Variants in IPO11 observed in about 807,000 individuals in gnomAD.
The protein encoded by IPO11 is importin 11.
A neutral mutation model predicts 143.2 loss-of-function variants in IPO11; 66 were observed. That is an observed-to-expected ratio of 0.46 (90% CI 0.38 to 0.57). The LOEUF is 0.57. IPO11 is among the 20% of genes least tolerant of loss of function. The probability of loss-of-function intolerance (pLI) is 0.00; values close to 1 mark genes in which losing one functional copy is unlikely to be tolerated. For synonymous variants in IPO11, 385 were observed against 377.8 expected, an observed-to-expected ratio of 1.02 and a Z score of -0.22; for missense variants, 1,026 against 1,141.0, an observed-to-expected ratio of 0.90 and a Z score of 1.45.
At chr5:62,484,572 G>A (rs998857631) in intron 11 of IPO11, among the ~76,000 whole-genome samples, 4 of 144,696 alleles carry the variant, frequency 2.8e-5, no homozygotes, top group African/African-American at 5.1e-5. Context: ...TTTTTGGACA[G>A]GACATCTTTA....
In IPO11 at chr5:62,512,456, C is replaced by T. The variant is rs765237281; in HGVS notation, c.1783-2932C>T. The T allele has an allele frequency of 4.0e-5, 50 of 1,259,208 alleles. No individual in the cohort carries two copies. The East Asian group carries it at 7.2e-4, about 18-fold the overall frequency. 78.0% of individuals were successfully genotyped at this position (1,259,208 alleles called of 1,614,324 possible). On this transcript the variant is annotated intron_variant, in intron 19 of 29. Coordinates refer to ENST00000325324, the MANE Select transcript of IPO11 (RefSeq NM_016338.5). Reference sequence around the variant, plus strand: ...CAAACTCCTCGTCATCGTATTTGTCCGAATAGTAAATTTGTTTGTGCGACA... The same window carrying T: ...CAAACTCCTCGTCATCGTATTTGTCTGAATAGTAAATTTGTTTGTGCGACA...
At chr5:62,446,960 C>CT (rs1744739275) in intron 3 of IPO11, among the ~76,000 whole-genome samples, 1 of 149,052 alleles carries the variant, frequency 6.7e-6, no homozygotes, top group East Asian at 1.9e-4. Flanking sequence ...GAGCGAGACT[C>CT]TGACTGCAAA....
At chr5:62,555,479 ATTAT>A (rs138722983) in intron 26 of IPO11, among the ~76,000 whole-genome samples, 57,038 of 136,922 alleles carry the variant, frequency 0.42, 12,115 homozygotes, top group South Asian at 0.49. Flanking sequence ...CACCTGGCTA[ATTAT>A]TTATTTATTT....
chr5:62,529,675 G>A (rs997194629), intron 21 of IPO11, among the ~76,000 whole-genome samples: 5 of 152,148 alleles, frequency 3.3e-5, no homozygotes, highest in South Asian at 4.1e-4. Flanking sequence ...ACCCGTGTTG[G>A]GGGCCAGGGG....
chr5:62,514,488 AG>A (rs1453605808), intron 19 of IPO11, among the ~76,000 whole-genome samples: 1 of 151,662 alleles, frequency 6.6e-6, no homozygotes, highest in Non-Finnish European at 1.5e-5. Flanking sequence ...GGCACTTGGC[AG>A]GCTGAGGCAG....
At chr5:62,438,055 A>C (rs1422508176) in intron 2 of IPO11, among the ~76,000 whole-genome samples, 2 of 152,332 alleles carry the variant, frequency 1.3e-5, no homozygotes, top group East Asian at 3.9e-4. Context: ...AACTCTGATT[A>C]GTGTTTGAGG....
intron 26 of IPO11, among the ~76,000 whole-genome samples, chr5:62,553,821 C>T (rs563365685): frequency 5.4e-4 from 82 of 152,062 alleles, no homozygotes; most frequent in African/African-American, 1.8e-3. Context: ...GGCACGATCT[C>T]GGCTTACTGC....
chr5:62,591,507 T>C (rs1745008978), intron 27 of IPO11, 70 bp from the exon 28 acceptor site: 2 of 859,116 alleles, frequency 2.3e-6, no homozygotes, highest in Non-Finnish European at 3.6e-6. Context: ...AGAAGATGTT[T>C]AGGAAAAAAA....
Position 62,444,601 on chromosome 5 carries a change from C to G in IPO11, c.239+1518C>G, listed in dbSNP as rs183370399. Among the ~76,000 whole-genome samples the G allele has an allele frequency of 3.8e-4, 58 of 151,970 alleles. 1 individual carries two copies. The highest frequency in any genetic ancestry group is 1.4e-3 in the African/African-American group (56 of 41,476). On this transcript the variant is annotated intron_variant, in intron 3 of 29. Coordinates refer to ENST00000325324, the MANE Select transcript of IPO11 (RefSeq NM_016338.5). Reference sequence around the variant, plus strand: ...ATTATAAATGCTTGTCTTGGCTGGGCACGGTGGCTCACACCTGTAATCCCA... The same window carrying G: ...ATTATAAATGCTTGTCTTGGCTGGGGACGGTGGCTCACACCTGTAATCCCA...
intron 29 of IPO11, among the ~76,000 whole-genome samples, chr5:62,620,347 ATC>A (rs1561390845): frequency 6.6e-6 from 1 of 152,016 alleles, no homozygotes; most frequent in African/African-American, 2.4e-5. Context: ...GTGAAACCCC[ATC>A]TCTCCTAAAA....
chr5:62,488,926 G>T (rs966208598), intron 13 of IPO11, among the ~76,000 whole-genome samples: 4 of 152,130 alleles, frequency 2.6e-5, no homozygotes, highest in Non-Finnish European at 5.9e-5. Context: ...TCATTTGAGC[G>T]CAGGAGGATG....
intron 29 of IPO11, among the ~76,000 whole-genome samples, chr5:62,604,167 G>A (rs1745613090): frequency 6.6e-6 from 1 of 152,112 alleles, no homozygotes; most frequent in Non-Finnish European, 1.5e-5. Flanking sequence ...TATATATCTC[G>A]AGAAGTATTT....
At chr5:62,435,439 T>TA (rs1744186694) in intron 1 of IPO11, among the ~76,000 whole-genome samples, 1 of 142,130 alleles carries the variant, frequency 7.0e-6, no homozygotes, top group South Asian at 2.2e-4. Flanking sequence ...AAATAAAAAA[T>TA]AAAAAAAAAT....
Position 62,474,518 on chromosome 5 carries a change from C to T in IPO11, c.757+54C>T. ...CTGTAGAATTTTTATTCATTAGTAG[C>T]TTATTCATTCATTAATAGCTAGGAT... is the stretch of plus-strand genomic sequence containing the variant. On this transcript the variant is annotated intron_variant, in intron 8 of 29. Transcript: ENST00000325324. 3 of 1,222,236 alleles carry T rather than the reference C, an allele frequency of 2.5e-6. No homozygotes were observed. In the South Asian group the frequency reaches 4.0e-5, roughly 16 times the overall value. 75.7% of individuals were successfully genotyped at this position (1,222,236 alleles called of 1,614,324 possible).
At chr5:62,600,543 T>G (rs1745469142) in intron 28 of IPO11, among the ~76,000 whole-genome samples, 1 of 152,256 alleles carries the variant, frequency 6.6e-6, no homozygotes, top group Non-Finnish European at 1.5e-5. Context: ...CCCCATATTA[T>G]TATTCAGTTC....
At chr5:62,509,449 C>G (rs78273464) in intron 19 of IPO11, among the ~76,000 whole-genome samples, 3 of 152,130 alleles carry the variant, frequency 2.0e-5, no homozygotes, top group Non-Finnish European at 4.4e-5. Context: ...TGAGTTAACT[C>G]ATAAGACTAT....
chr5:62,551,221 A>G lies in IPO11; in HGVS notation c.2347-2A>G, dbSNP rs1006694080. 1.3e-6 allele frequency: 2 copies of G among 1,531,174 alleles called. No individual in the cohort carries two copies. Among genetic ancestry groups the G allele is most frequent in the Non-Finnish European group, 1.8e-6 (2 of 1,108,438 alleles). 94.8% of individuals were successfully genotyped at this position (1,531,174 alleles called of 1,614,324 possible). On this transcript the variant is annotated splice_acceptor_variant, in intron 25 of 29. Transcript: ENST00000325324. LOFTEE classifies it high-confidence loss of function. The stretch of plus-strand genomic sequence containing the variant: ...TACATGTGTTGTATTTTAATTGTAC[A>G]GAGGTATCCTGTAGTGATGTCCACG...
At chr5:62,555,825 A>C (rs1743558047) in intron 26 of IPO11, among the ~76,000 whole-genome samples, 1 of 152,048 alleles carries the variant, frequency 6.6e-6, no homozygotes, top group African/African-American at 2.4e-5. Context: ...AATTTTTAAA[A>C]ATTTTTGTAG....
At chr5:62,442,095 C>T (rs1034589716) in intron 2 of IPO11, among the ~76,000 whole-genome samples, 1 of 152,156 alleles carries the variant, frequency 6.6e-6, no homozygotes, top group Admixed American at 6.6e-5. Flanking sequence ...TCGCCTGCCT[C>T]GACCTCCCAA....
Sources: gnomAD v4.1 joint callset for allele counts (sites outside exome capture counted in the v4.1 genomes callset) on GRCh38, gnomAD v4.1.1 for gene constraint, MANE v1.5 for transcripts, NCBI Gene and HGNC (gene_info 2026-07-23, HGNC 2026-07-21) for gene names.